PDE12: variants seen among roughly 807,000 people sequenced by gnomAD.
PDE12 encodes the protein 2',5'-phosphodiesterase 12.
Under a neutral mutation model 45.4 loss-of-function variants are expected in PDE12, and 26 were observed. That is an observed-to-expected ratio of 0.57 (90% CI 0.42 to 0.79). The LOEUF is 0.79. PDE12 is among the 30% of genes least tolerant of loss of function. The pLI is 0.00. For synonymous variants in PDE12, 283 were observed against 323.9 expected (o/e 0.87, Z 1.36); for missense variants, 668 against 790.0 (o/e 0.85, Z 1.85).
the PDE12 span, chr3:57,634,547 C>A: frequency 8.9e-5 from 117 of 1,310,068 alleles, no homozygotes; most frequent in Non-Finnish European, 1.1e-4. Context: ...ATAATATGAG[C>A]AACTAATTAC....
At chr3:57,618,353 T>G in the PDE12 span, among the ~76,000 whole-genome samples, 15 of 152,166 alleles carry the variant, frequency 9.9e-5, no homozygotes, top group Non-Finnish European at 1.8e-4. Context: ...ATTTACAAAT[T>G]TAAAAGGCTA....
chr3:57,643,268 A>T, the PDE12 span, among the ~76,000 whole-genome samples: 45 of 152,202 alleles, frequency 3.0e-4, no homozygotes, highest in African/African-American at 1.0e-3. Context: ...AGTGAAAACT[A>T]ATGCCATCCA....
chr3:57,582,206 T>A, the PDE12 span, among the ~76,000 whole-genome samples: 1 of 152,214 alleles, frequency 6.6e-6, no homozygotes, highest in Admixed American at 6.5e-5. Flanking sequence ...TCAAGTATCT[T>A]TTCTAGTCAC....
the PDE12 span, among the ~76,000 whole-genome samples, chr3:57,579,696 T>C: frequency 6.6e-6 from 1 of 152,196 alleles, no homozygotes; most frequent in African/African-American, 2.4e-5. Flanking sequence ...TCCTTTGTTT[T>C]AGCAAATTGT....
chr3:57,599,457 A>T, the PDE12 span, among the ~76,000 whole-genome samples: 1 of 152,240 alleles, frequency 6.6e-6, no homozygotes, highest in African/African-American at 2.4e-5. Context: ...AGAATTCCTT[A>T]AAACAATCTT....
the PDE12 span, among the ~76,000 whole-genome samples, chr3:57,621,063 T>G: frequency 1.3e-5 from 2 of 152,124 alleles, no homozygotes; most frequent in Admixed American, 6.6e-5. Context: ...ACCACTCAGT[T>G]TCAACAATAA....
the PDE12 span, among the ~76,000 whole-genome samples, chr3:57,651,710 C>T: frequency 6.6e-6 from 1 of 151,748 alleles, no homozygotes; most frequent in African/African-American, 2.4e-5. Flanking sequence ...AAGATAAACC[C>T]GGAATATCTC....
At chr3:57,626,905 A>G in the PDE12 span, 1 of 152,562 alleles carries the variant, frequency 6.6e-6, no homozygotes, top group South Asian at 2.1e-4. Context: ...ATAGTAGGAA[A>G]AGTGTTTTAA....
chr3:57,655,944 G>A, the PDE12 span, among the ~76,000 whole-genome samples: 31 of 152,268 alleles, frequency 2.0e-4, no homozygotes, highest in African/African-American at 7.5e-4. Flanking sequence ...ATTCCTTAAT[G>A]AGTCAAGTAT....
At chr3:57,614,907 C>A in the PDE12 span, among the ~76,000 whole-genome samples, 13 of 151,212 alleles carry the variant, frequency 8.6e-5, no homozygotes, top group South Asian at 4.2e-4. Context: ...GCAGGAGAAT[C>A]GCTTGAATCC....
the PDE12 span, among the ~76,000 whole-genome samples, chr3:57,594,921 G>A: frequency 2.6e-5 from 4 of 152,142 alleles, no homozygotes; most frequent in Admixed American, 6.6e-5. Flanking sequence ...CTCGTACGTT[G>A]ATACTTCCTT....
At chr3:57,605,690 T>C in the PDE12 span, among the ~76,000 whole-genome samples, 16 of 152,124 alleles carry the variant, frequency 1.1e-4, no homozygotes, top group African/African-American at 3.6e-4. Context: ...TAATACAAAA[T>C]TATTGGGCAT....
At chr3:57,618,312 G>T in the PDE12 span, among the ~76,000 whole-genome samples, 4 of 152,252 alleles carry the variant, frequency 2.6e-5, no homozygotes, top group African/African-American at 9.6e-5. Context: ...GATAAATGAG[G>T]TTAATAACAG....
chr3:57,583,776 G>T, the PDE12 span: 1 of 706,926 alleles, frequency 1.4e-6, no homozygotes, highest in Non-Finnish European at 2.4e-6. Context: ...TGTGGAAGTG[G>T]TGATAAGACA....
the PDE12 span, among the ~76,000 whole-genome samples, chr3:57,614,942 G>A: frequency 6.6e-6 from 1 of 150,918 alleles, no homozygotes; most frequent in South Asian, 2.1e-4. Flanking sequence ...GGAGTGAGCC[G>A]AGATCGTGCC....
At chr3:57,612,325 G>A in the PDE12 span, among the ~76,000 whole-genome samples, 7 of 151,676 alleles carry the variant, frequency 4.6e-5, no homozygotes, top group Admixed American at 6.6e-5. Context: ...CACCAACATG[G>A]CACATGTATA....
chr3:57,569,985 T>C (rs2069821437), downstream of PDE12, among the ~76,000 whole-genome samples: 1 of 152,128 alleles, frequency 6.6e-6, no homozygotes, highest in Non-Finnish European at 1.5e-5. Context: ...CTGAACTTAT[T>C]CACTGATGTT....
At chr3:57,640,570 T>C in the PDE12 span, among the ~76,000 whole-genome samples, 19 of 152,332 alleles carry the variant, frequency 1.2e-4, no homozygotes, top group South Asian at 3.9e-3. Flanking sequence ...AGAGTGAGAC[T>C]CTGTCACATA....
chr3:57,652,548 C>T, the PDE12 span, among the ~76,000 whole-genome samples: 1 of 152,186 alleles, frequency 6.6e-6, no homozygotes, highest in Non-Finnish European at 1.5e-5. Flanking sequence ...AATGTTTGTT[C>T]TTTTAAGCCT....
Sources: gnomAD v4.1 joint callset for allele counts (sites outside exome capture counted in the v4.1 genomes callset) on GRCh38, gnomAD v4.1.1 for gene constraint, MANE v1.5 for transcripts, NCBI Gene and HGNC (gene_info 2026-07-23, HGNC 2026-07-21) for gene names.